Variants in KLHL18 observed in about 807,000 individuals in gnomAD.
KLHL18 encodes the protein kelch-like protein 18.
KLHL18 carries 38 observed loss-of-function variants against 58.5 expected under a neutral mutation model. That is an observed-to-expected ratio of 0.65 (90% CI 0.50 to 0.85). The LOEUF (loss-of-function observed/expected upper bound fraction) is 0.85, where lower values mean the gene tolerates loss of function less well. Ranked by LOEUF, KLHL18 falls within the 40% of genes least tolerant of loss-of-function variation. The probability of loss-of-function intolerance (pLI) is 0.00; values close to 1 mark genes in which losing one functional copy is unlikely to be tolerated. For missense variants in KLHL18, 624 were observed against 778.4 expected, an observed-to-expected ratio of 0.80 and a Z score of 2.36; for synonymous variants, 303 against 301.9, an observed-to-expected ratio of 1.00 and a Z score of -0.04.
chr3:47,316,540 C>CATATATACGTATATATGTAT lies in KLHL18; in HGVS notation c.130-3105_130-3104insGTATATATGTATATATATAC, dbSNP rs1553632043. On this transcript the variant is annotated intron_variant, in intron 1 of 9. Transcript: ENST00000232766. ...ATATACATATATATGTATATATATA[C>CATATATACGTATATATGTAT]ATATATACATATATACATATATATG... 8.2e-3 allele frequency among the ~76,000 whole-genome samples: 25 copies of CATATATACGTATATATGTAT among 3,064 alleles called. 2 individuals are homozygous for CATATATACGTATATATGTAT. Among genetic ancestry groups the CATATATACGTATATATGTAT allele is most frequent in the African/African-American group, 9.3e-3 (25 of 2,702 alleles). 2.0% of individuals were successfully genotyped at this position (3,064 alleles called of 152,430 possible). A position where few individuals can be genotyped will look rare whatever the true frequency, so the allele number is the denominator to read the frequency against.
chr3:47,332,071 C>G (rs536942822), intron 4 of KLHL18, among the ~76,000 whole-genome samples: 1 of 152,082 alleles, frequency 6.6e-6, no homozygotes, highest in Non-Finnish European at 1.5e-5. Flanking sequence ...TAAGGAAGGC[C>G]GGGAGCAGTG....
At chr3:47,323,232 G>C (rs1285864773) in intron 3 of KLHL18, among the ~76,000 whole-genome samples, 2 of 151,904 alleles carry the variant, frequency 1.3e-5, no homozygotes, top group Non-Finnish European at 2.9e-5. Context: ...GGAACTACAG[G>C]CACGTGCCAC....
At chr3:47,337,520 G>C (rs1449164286) in intron 7 of KLHL18, 2 of 152,576 alleles carry the variant, frequency 1.3e-5, no homozygotes, top group African/African-American at 2.4e-5. Flanking sequence ...AGCTGGCGCA[G>C]CCCAAGGAGG....
At chr3:47,286,263 C>T (rs1702674844) in intron 1 of KLHL18, among the ~76,000 whole-genome samples, 1 of 152,050 alleles carries the variant, frequency 6.6e-6, no homozygotes, top group South Asian at 2.1e-4. Flanking sequence ...ATTGTAGAGC[C>T]CAAGGAGTAG....
At chr3:47,304,609 A>C (rs1476077004) in intron 1 of KLHL18, among the ~76,000 whole-genome samples, 1 of 152,246 alleles carries the variant, frequency 6.6e-6, no homozygotes, top group Non-Finnish European at 1.5e-5. Context: ...TTGCTGGTAC[A>C]TGGAAAACAC....
At chr3:47,297,501 T>A (rs984625728) in intron 1 of KLHL18, 6 of 455,358 alleles carry the variant, frequency 1.3e-5, no homozygotes, top group Non-Finnish European at 2.7e-5. Flanking sequence ...ACCCTGGGAG[T>A]CAGGCCCTCC....
chr3:47,307,753 A>T (rs1703184129), intron 1 of KLHL18, among the ~76,000 whole-genome samples: 1 of 151,826 alleles, frequency 6.6e-6, no homozygotes, highest in South Asian at 2.1e-4. Context: ...ATTCAATTTG[A>T]TTTTTTTTCC....
intron 1 of KLHL18, among the ~76,000 whole-genome samples, chr3:47,300,040 G>C (rs1172454382): frequency 6.7e-6 from 1 of 150,370 alleles, no homozygotes; most frequent in Non-Finnish European, 1.5e-5. Context: ...AAGTTTCTCT[G>C]TCTCTCCCCG....
At chr3:47,311,266 G>A (rs1703293140) in intron 1 of KLHL18, among the ~76,000 whole-genome samples, 1 of 152,066 alleles carries the variant, frequency 6.6e-6, no homozygotes, top group Non-Finnish European at 1.5e-5. Context: ...AAAGTAACAT[G>A]TAGAATTCTT....
At chr3:47,293,629 C>T (rs1002723729) in intron 1 of KLHL18, among the ~76,000 whole-genome samples, 1 of 152,164 alleles carries the variant, frequency 6.6e-6, no homozygotes, top group Non-Finnish European at 1.5e-5. Context: ...CTGTAAATGT[C>T]GTGTAACCTT....
intron 1 of KLHL18, among the ~76,000 whole-genome samples, chr3:47,298,371 A>AAAG (rs1553629792): frequency 2.0e-5 from 3 of 151,256 alleles, no homozygotes; most frequent in African/African-American, 7.3e-5. Context: ...AAAAAAAAAA[A>AAAG]AGAGAAAAAA....
chr3:47,335,090 C>G (rs548170741), intron 6 of KLHL18, among the ~76,000 whole-genome samples: 5 of 152,338 alleles, frequency 3.3e-5, no homozygotes, highest in Admixed American at 1.3e-4. Flanking sequence ...AGAACTTTCA[C>G]TATGTTCATA....
intron 1 of KLHL18, among the ~76,000 whole-genome samples, chr3:47,300,559 C>T (rs908647202): frequency 6.7e-6 from 1 of 149,470 alleles, no homozygotes; most frequent in African/African-American, 2.4e-5. Context: ...ACCACCACAC[C>T]CAGCCTAGCA....
chr3:47,319,641 C>T lies in KLHL18; in HGVS notation c.130-12C>T. 6.8e-6 allele frequency: 11 copies of T among 1,609,232 alleles called. No homozygotes were observed. Among genetic ancestry groups the T allele is most frequent in the Non-Finnish European group, 9.3e-6 (11 of 1,177,114 alleles). ...CCTCAATATCTGTCTTTGTATTTTA[C>T]TTTGCCCACAGATTGGGGACCACAA... is the stretch of plus-strand genomic sequence containing the variant. On this transcript the variant is annotated splice_polypyrimidine_tract_variant and intron_variant, in intron 1 of 9. Coordinates refer to ENST00000232766, the MANE Select transcript of KLHL18 (RefSeq NM_025010.5).
At position 47,322,724 on chromosome 3, in the gene KLHL18, G is replaced by T; in HGVS notation, c.401+16G>T. 1 of 1,541,570 alleles carries T rather than the reference G, an allele frequency of 6.5e-7. No individual in the cohort carries two copies. Among genetic ancestry groups the T allele is most frequent in the Non-Finnish European group, 8.7e-7 (1 of 1,143,972 alleles). On this transcript the variant is annotated intron_variant, in intron 3 of 9. Coordinates refer to ENST00000232766, the MANE Select transcript of KLHL18 (RefSeq NM_025010.5). Reference sequence around the variant, plus strand: ...TTCGAGAACGGTGAGGTGATGTGGTGGGCCTGGTGGAGAACATGACTATTT... The same window carrying T: ...TTCGAGAACGGTGAGGTGATGTGGTTGGCCTGGTGGAGAACATGACTATTT...
Position 47,322,683 on chromosome 3 carries a change from G to A in KLHL18, c.376G>A (p.Ala126Thr), listed in dbSNP as rs974763372. 8.8e-6 allele frequency: 14 copies of A among 1,599,788 alleles called. No homozygotes were observed. The highest frequency in any genetic ancestry group is 1.2e-5 in the Non-Finnish European group (14 of 1,173,518). ...SFLQLQSIKD[A>T]CCTFLRERLH... ...CCTGCAGCTGCAGAGCATCAAAGAC[G>A]CCTGCTGCACATTCCTTCGAGAACG... The change falls in exon 3 of 10, where the codon GCC becomes ACC. Residue 126 changes from alanine (A) to threonine (T), a missense_variant. Ala to Thr is a moderately conservative substitution (Grantham distance 58). Transcript: ENST00000232766.
chr3:47,326,065 A>G (rs1468448980), intron 3 of KLHL18, among the ~76,000 whole-genome samples: 1 of 152,158 alleles, frequency 6.6e-6, no homozygotes, highest in Non-Finnish European at 1.5e-5. Context: ...CTCCTGCCTC[A>G]GCCTCCGGAG....
Position 47,336,722 on chromosome 3 carries a change from A to G in KLHL18, c.1086A>G (p.Thr362=), listed in dbSNP as rs1416052748. 6.2e-7 allele frequency: 1 copy of G among 1,614,236 alleles called. No individual in the cohort carries two copies. Among genetic ancestry groups the G allele is most frequent in the Admixed American group, 1.7e-5 (1 of 60,026 alleles). The part of the protein sequence containing the change: ...TVEAYNPETD[T]WTRVGSMNSK... ...AGGCCTACAACCCGGAGACAGACAC[A>G]TGGACCAGAGTGGGGAGCATGAATA... The change falls in exon 7 of 10, where the codon ACA becomes ACG. Residue 362 remains threonine, a synonymous_variant. Transcript: ENST00000232766.
chr3:47,325,571 T>C (rs536142168), intron 3 of KLHL18, among the ~76,000 whole-genome samples: 3 of 152,268 alleles, frequency 2.0e-5, no homozygotes, highest in South Asian at 2.1e-4. Context: ...GGAAAAGATA[T>C]GTGACAGCAC....
Sources: gnomAD v4.1 joint callset for allele counts (sites outside exome capture counted in the v4.1 genomes callset) on GRCh38, gnomAD v4.1.1 for gene constraint, MANE v1.5 for transcripts, NCBI Gene and HGNC (gene_info 2026-07-23, HGNC 2026-07-21) for gene names.